The following THSD7A variants were observed in gnomAD, a reference collection of about 807,000 sequenced individuals.
The protein encoded by THSD7A is thrombospondin type-1 domain-containing protein 7A.
In THSD7A, 96 loss-of-function variants were observed where a neutral mutation model predicts 231.3. The observed-to-expected ratio is 0.41, with a 90% CI of 0.35 to 0.49. The LOEUF (loss-of-function observed/expected upper bound fraction) is 0.49. Among genes scored for constraint, THSD7A ranks in the 20% least tolerant of loss-of-function variants. THSD7A has a pLI of 0.05. For synonymous variants in THSD7A, 940 were observed against 743.3 expected (o/e 1.26, Z -4.30); for missense variants, 2,290 against 2,070.2 (o/e 1.11, Z -2.06).
chr7:11,535,316 T>C (rs1347408396), intron 6 of THSD7A, among the ~76,000 whole-genome samples: 1 of 152,118 alleles, frequency 6.6e-6, no homozygotes, highest in East Asian at 1.9e-4. Flanking sequence ...TGTATTGTAA[T>C]ACATACACAG....
intron 1 of THSD7A, among the ~76,000 whole-genome samples, chr7:11,678,093 TA>T (rs1783713287): frequency 6.6e-6 from 1 of 152,158 alleles, no homozygotes; most frequent in South Asian, 2.1e-4. Flanking sequence ...CCTGAATGAC[TA>T]CTGGGTAAAT....
At chr7:11,517,320 C>A (rs551378662) in intron 6 of THSD7A, among the ~76,000 whole-genome samples, 1 of 152,002 alleles carries the variant, frequency 6.6e-6, no homozygotes, top group Non-Finnish European at 1.5e-5. Context: ...CCTCGTGATC[C>A]GCCCACCTCG....
intron 1 of THSD7A, among the ~76,000 whole-genome samples, chr7:11,773,423 G>A (rs1398367417): frequency 3.3e-5 from 5 of 152,052 alleles, no homozygotes; most frequent in Admixed American, 6.5e-5. Context: ...CCAGCTACTC[G>A]GGAGGCTGAG....
Position 11,731,367 on chromosome 7 carries a change from T to A in THSD7A, c.191-94406A>T, listed in dbSNP as rs185564669. Reference sequence around the variant, plus strand: ...TACCATGCTGTTGACAGAAAATAGATTCTTCTTAATAAGGTCTTATTAACT... The same window carrying A: ...TACCATGCTGTTGACAGAAAATAGAATCTTCTTAATAAGGTCTTATTAACT... On this transcript the variant is annotated intron_variant, in intron 1 of 27. Transcript: ENST00000423059. Among the ~76,000 whole-genome samples the A allele has an allele frequency of 1.9e-3, 283 of 151,772 alleles. 3 individuals carry two copies. The highest frequency in any genetic ancestry group is 5.0e-3 in the Admixed American group (76 of 15,188).
chr7:11,634,944 G>GAA lies in THSD7A; in HGVS notation c.1022+1184_1022+1185dup, dbSNP rs150541925. ...CAAAATCAGTAGACAAGAATAGATT[G>GAA]AAAAAAAAATCAGGTGAGAAAAAAA... On this transcript the variant is annotated intron_variant, in intron 2 of 27. Transcript: ENST00000423059. This position sits in a 1 kb window ranked among gnomAD's most constrained non-coding sequence, Gnocchi z 4.1. 6.7e-6 allele frequency among the ~76,000 whole-genome samples: 1 copy of GAA among 149,162 alleles called. No individual in the cohort carries two copies. Among genetic ancestry groups the GAA allele is most frequent in the South Asian group, 2.1e-4 (1 of 4,728 alleles).
At chr7:11,738,390 T>C (rs188203764) in intron 1 of THSD7A, among the ~76,000 whole-genome samples, 1 of 152,144 alleles carries the variant, frequency 6.6e-6, no homozygotes, top group Admixed American at 6.6e-5. Flanking sequence ...TATTTTACGA[T>C]ATATGTAACA....
At chr7:11,554,818 T>C (rs1053153397) in intron 4 of THSD7A, among the ~76,000 whole-genome samples, 1 of 151,804 alleles carries the variant, frequency 6.6e-6, no homozygotes, top group Non-Finnish European at 1.5e-5. Flanking sequence ...ATTAGATGAG[T>C]TGTGGTAGGT....
At chr7:11,824,636 G>A (rs1784972882) in intron 1 of THSD7A, among the ~76,000 whole-genome samples, 1 of 152,090 alleles carries the variant, frequency 6.6e-6, no homozygotes, top group Non-Finnish European at 1.5e-5. Flanking sequence ...ACAATTCCCT[G>A]AGAATTTGAC....
At chr7:11,806,576 C>T (rs1316043717) in intron 1 of THSD7A, among the ~76,000 whole-genome samples, 4 of 152,052 alleles carry the variant, frequency 2.6e-5, no homozygotes, top group Admixed American at 2.6e-4. Context: ...ATTTACACTG[C>T]CTGAGCTAAG....
chr7:11,669,226 G>C (rs1783275321), intron 1 of THSD7A, among the ~76,000 whole-genome samples: 1 of 151,970 alleles, frequency 6.6e-6, no homozygotes, highest in South Asian at 2.1e-4. Context: ...CCTCACTAGA[G>C]GAGAGAAAAA....
At chr7:11,510,613 G>C (rs1289359042) in intron 6 of THSD7A, among the ~76,000 whole-genome samples, 1 of 152,110 alleles carries the variant, frequency 6.6e-6, no homozygotes, top group Admixed American at 6.6e-5. Context: ...TGCAAGGCTG[G>C]TTCAACATAC....
chr7:11,730,430 T>C (rs1024101946), intron 1 of THSD7A, among the ~76,000 whole-genome samples: 3 of 151,754 alleles, frequency 2.0e-5, no homozygotes, highest in East Asian at 1.9e-4. Flanking sequence ...TATATTATTG[T>C]CTTATAAAAG....
chr7:11,533,249 A>T (rs1197270998), intron 6 of THSD7A, among the ~76,000 whole-genome samples: 1 of 152,200 alleles, frequency 6.6e-6, no homozygotes, highest in Non-Finnish European at 1.5e-5. Context: ...TCCAGAGGCC[A>T]ACTGAGAAAG....
chr7:11,617,540 A>C (rs1456069580), intron 2 of THSD7A, among the ~76,000 whole-genome samples: 8 of 152,228 alleles, frequency 5.3e-5, no homozygotes, highest in African/African-American at 1.9e-4. Flanking sequence ...ATGAATGCTA[A>C]CGGAGACCTA....
chr7:11,708,430 A>G (rs1467496158), intron 1 of THSD7A, among the ~76,000 whole-genome samples: 1 of 150,740 alleles, frequency 6.6e-6, no homozygotes, highest in African/African-American at 2.4e-5. Context: ...TTTTTAATAT[A>G]TTTGCCAAAA....
At chr7:11,482,780 T>C (rs1334841506) in intron 6 of THSD7A, among the ~76,000 whole-genome samples, 4 of 152,172 alleles carry the variant, frequency 2.6e-5, no homozygotes, top group Non-Finnish European at 5.9e-5. Flanking sequence ...ATTTTGCCCT[T>C]GACACTCTAG....
At chr7:11,635,214 T>C (rs10236115) in intron 2 of THSD7A, among the ~76,000 whole-genome samples, 14,906 of 152,234 alleles carry the variant, frequency 0.098, 2,048 homozygotes, top group African/African-American at 0.3. Context: ...ACTTTCAATA[T>C]CATTTCTACA....
chr7:11,545,925 C>T (rs981989325), intron 4 of THSD7A, among the ~76,000 whole-genome samples: 1 of 152,160 alleles, frequency 6.6e-6, no homozygotes, highest in Non-Finnish European at 1.5e-5. Context: ...TAGCTTTCTT[C>T]CCCATGGCAC....
chr7:11,657,264 T>C lies in THSD7A; in HGVS notation c.191-20303A>G, dbSNP rs149893904. On this transcript the variant is annotated intron_variant, in intron 1 of 27. Transcript: ENST00000423059. Reference sequence around the variant, plus strand: ...AGAACTCACAAGTTGGTGGAAATCATGAGATTTGAGTTGGATAGGTAGGAA... The same window carrying C: ...AGAACTCACAAGTTGGTGGAAATCACGAGATTTGAGTTGGATAGGTAGGAA... 1.5e-4 allele frequency among the ~76,000 whole-genome samples: 23 copies of C among 151,950 alleles called. No individual in the cohort carries two copies. In the East Asian group the frequency reaches 4.5e-3, roughly 30 times the overall value.
Sources: gnomAD v4.1 joint callset for allele counts (sites outside exome capture counted in the v4.1 genomes callset) on GRCh38, gnomAD v4.1.1 for gene constraint, Gnocchi (gnomAD v3.1) non-coding constraint, MANE v1.5 for transcripts, NCBI Gene and HGNC (gene_info 2026-07-23, HGNC 2026-07-21) for gene names.